The following ABHD2 variants were observed in gnomAD, a reference collection of about 807,000 sequenced individuals.
The protein encoded by ABHD2 is abhydrolase domain containing 2, acylglycerol lipase, also known as monoacylglycerol lipase ABHD2.
A neutral mutation model predicts 48.1 loss-of-function variants in ABHD2; 20 were observed. The observed-to-expected ratio is 0.42, with a 90% CI of 0.29 to 0.60. The LOEUF (loss-of-function observed/expected upper bound fraction) is 0.60. ABHD2 is among the 20% of genes least tolerant of loss of function. The pLI is 0.24. For missense variants in ABHD2, 405 were observed against 550.9 expected (o/e 0.74, Z 2.65); for synonymous variants, 209 against 214.2 (o/e 0.98, Z 0.21).
the ABHD2 span, among the ~76,000 whole-genome samples, chr15:89,064,885 G>A: frequency 6.6e-6 from 1 of 152,040 alleles, no homozygotes; most frequent in Non-Finnish European, 1.5e-5. Flanking sequence ...CCCAGCTGAA[G>A]AAATAGAGTA....
chr15:89,163,754 A>G (rs2050797034), intron 5 of ABHD2, among the ~76,000 whole-genome samples: 2 of 152,232 alleles, frequency 1.3e-5, no homozygotes, highest in South Asian at 2.1e-4. Context: ...TGTCACTTAC[A>G]TAGCATTTGC....
chr15:89,149,839 A>G (rs903433723), intron 3 of ABHD2, among the ~76,000 whole-genome samples: 3 of 152,224 alleles, frequency 2.0e-5, no homozygotes, highest in African/African-American at 7.2e-5. Flanking sequence ...CTCCTAGGCC[A>G]AGTGAGGACC....
chr15:89,181,743 C>A (rs1567108337), intron 6 of ABHD2, among the ~76,000 whole-genome samples: 1 of 152,218 alleles, frequency 6.6e-6, no homozygotes, highest in African/African-American at 2.4e-5. Context: ...AATTCGTTTT[C>A]ATCAGTACTT....
intron 5 of ABHD2, among the ~76,000 whole-genome samples, chr15:89,158,852 C>T (rs901382358): frequency 6.6e-6 from 1 of 151,690 alleles, no homozygotes; most frequent in Non-Finnish European, 1.5e-5. Flanking sequence ...TTTGTAGAGA[C>T]AAGGTCTCAC....
chr15:89,067,796 A>G, the ABHD2 span, among the ~76,000 whole-genome samples: 1 of 152,260 alleles, frequency 6.6e-6, no homozygotes, highest in East Asian at 1.9e-4. Context: ...CTTGTTCTCC[A>G]TCTTTTCCTT....
At chr15:89,119,850 G>T (rs2050019822) in intron 3 of ABHD2, among the ~76,000 whole-genome samples, 1 of 152,150 alleles carries the variant, frequency 6.6e-6, no homozygotes, top group East Asian at 1.9e-4. Context: ...GAAAGCTAAG[G>T]GCAGGAAACA....
At position 89,104,553 on chromosome 15, in the gene ABHD2, G is replaced by A. The variant is rs1215559544; in HGVS notation, c.-106-9172G>A. ...TGGGAGCCTTGTCTGCTCCCAGTCGGCGTTGGGAAACCAGAACGCTCAGGA... is the reference window on the plus strand; with the variant it reads ...TGGGAGCCTTGTCTGCTCCCAGTCGACGTTGGGAAACCAGAACGCTCAGGA... On this transcript the variant is annotated intron_variant, in intron 1 of 10. Transcript: ENST00000352732. The surrounding 1 kb of genome is among the most constrained non-coding windows in gnomAD (Gnocchi z 4.4). 6.6e-6 allele frequency among the ~76,000 whole-genome samples: 1 copy of A among 152,316 alleles called. No individual in the cohort carries two copies. The highest frequency in any genetic ancestry group is 6.5e-5 in the Admixed American group (1 of 15,302).
At position 89,166,821 on chromosome 15, in the gene ABHD2, A is replaced by G. The variant is rs994860440; in HGVS notation, c.539-8991A>G. On this transcript the variant is annotated intron_variant, in intron 5 of 10. Coordinates refer to ENST00000352732, the MANE Select transcript of ABHD2 (RefSeq NM_152924.5). The surrounding 1 kb of genome is among the most constrained non-coding windows in gnomAD (Gnocchi z 4.6). ...TATCTCTTAAAACAAACAAACATATATACAAACAATCTTTTGGAACCTCAA... is the reference window on the plus strand; with the variant it reads ...TATCTCTTAAAACAAACAAACATATGTACAAACAATCTTTTGGAACCTCAA... Among the ~76,000 whole-genome samples the G allele has an allele frequency of 6.6e-6, 1 of 152,110 alleles. No individual in the cohort carries two copies. Among genetic ancestry groups the G allele is most frequent in the Non-Finnish European group, 1.5e-5 (1 of 68,014 alleles).
rs57813229 is a variant in ABHD2 at position 89,100,284 on chromosome 15, ATTT to A, written c.-107+11736_-107+11738del. ...CTCCCAAGTTCACATTGTGTTGTTA[ATTT>A]TTTTTTTTTTTTTTAAGAGACAGGG... is the stretch of plus-strand genomic sequence containing the variant. On this transcript the variant is annotated intron_variant, in intron 1 of 10. Coordinates refer to ENST00000352732, the MANE Select transcript of ABHD2 (RefSeq NM_152924.5). This position sits in a 1 kb window ranked among gnomAD's most constrained non-coding sequence, Gnocchi z 4.4. 4.2e-5 allele frequency among the ~76,000 whole-genome samples: 6 copies of A among 141,194 alleles called. No homozygotes were observed. The highest frequency in any genetic ancestry group is 7.1e-5 in the Admixed American group (1 of 14,044). 92.6% of individuals were successfully genotyped at this position (141,194 alleles called of 152,430 possible).
rs1377689139 is a variant in ABHD2, at chr15:89,164,632, GA to G, written c.538+9104del. Among the ~76,000 whole-genome samples the G allele has an allele frequency of 6.6e-6, 1 of 151,748 alleles. No homozygotes were observed. Among genetic ancestry groups the G allele is most frequent in the Non-Finnish European group, 1.5e-5 (1 of 67,904 alleles). On this transcript the variant is annotated intron_variant, in intron 5 of 10. Coordinates refer to ENST00000352732, the MANE Select transcript of ABHD2 (RefSeq NM_152924.5). This position sits in a 1 kb window ranked among gnomAD's most constrained non-coding sequence, Gnocchi z 5.0. ...GTGAAACCTCATCTCTACTAAAAAT[GA>G]AAAAAGCCAGGTGTGATGATACACA... is the stretch of plus-strand genomic sequence containing the variant.
chr15:89,063,618 G>GT, the ABHD2 span, among the ~76,000 whole-genome samples: 3 of 151,802 alleles, frequency 2.0e-5, no homozygotes, highest in South Asian at 2.1e-4. Flanking sequence ...TATACATACA[G>GT]TTTTTTTATT....
Position 89,176,128 on chromosome 15 carries a change from A to C in ABHD2, c.722+133A>C. 1.0e-6 allele frequency: 1 copy of C among 980,628 alleles called. No individual in the cohort carries two copies. The highest frequency in any genetic ancestry group is 1.5e-6 in the Non-Finnish European group (1 of 683,798). The allele number at this position is 980,628 out of a possible 1,614,324, so 60.7% of individuals were successfully genotyped here. ...CTGAGTAGAAGTTTCTGAGTCTTGG[A>C]CTCACCTTGTTTTGTCTGCATATCA... On this transcript the variant is annotated intron_variant, in intron 6 of 10. Transcript: ENST00000352732. This position sits in a 1 kb window ranked among gnomAD's most constrained non-coding sequence, Gnocchi z 4.5.
At position 89,201,791 on chromosome 15, in the gene ABHD2, G is replaced by T; in HGVS notation, c.*6368G>T. On this transcript the variant is annotated 3_prime_UTR_variant, in exon 11 of 11. Transcript: ENST00000352732. ...GCTCGTGCTTCGCCGTGGCCCCGGA[G>T]GCAGACGCCATTGGAGAGACAGCGC... 1 of 1,422,288 alleles carries T rather than the reference G, an allele frequency of 7.0e-7. No homozygotes were observed. The highest frequency in any genetic ancestry group is 9.9e-7 in the Non-Finnish European group (1 of 1,009,454). The allele number at this position is 1,422,288 out of a possible 1,614,324, so 88.1% of individuals were successfully genotyped here.
chr15:89,133,006 AGCTC>A (rs2050244030), intron 3 of ABHD2, among the ~76,000 whole-genome samples: 1 of 152,236 alleles, frequency 6.6e-6, no homozygotes, highest in Admixed American at 6.5e-5. Flanking sequence ...TCTGACGGAA[AGCTC>A]CAGGGCAGCT....
At position 89,188,883 on chromosome 15, in the gene ABHD2, T is replaced by TA. The variant is rs34046140; in HGVS notation, c.926+595dup. On this transcript the variant is annotated intron_variant, in intron 8 of 10. Transcript: ENST00000352732. This position sits in a 1 kb window ranked among gnomAD's most constrained non-coding sequence, Gnocchi z 4.1. Reference sequence around the variant, plus strand: ...GACACAGCAAGACCCTTCTCAAAATTAAAAAAAAAAAAAAAGAAGTAGAAA... The same window carrying TA: ...GACACAGCAAGACCCTTCTCAAAATTAAAAAAAAAAAAAAAAGAAGTAGAAA... 0.35 allele frequency among the ~76,000 whole-genome samples: 47,177 copies of TA among 135,504 alleles called. 8,182 individuals are homozygous for TA. The highest frequency in any genetic ancestry group is 0.42 in the Non-Finnish European group (26,667 of 63,386). The allele number at this position is 135,504 out of a possible 152,430, so 88.9% of individuals were successfully genotyped here. A position where few individuals can be genotyped will look rare whatever the true frequency, so the allele number is the denominator to read the frequency against.
chr15:89,074,491 A>T, the ABHD2 span, among the ~76,000 whole-genome samples: 1 of 152,222 alleles, frequency 6.6e-6, no homozygotes, highest in African/African-American at 2.4e-5. Flanking sequence ...TGTTTTAACA[A>T]ATTCCTCAGG....
At chr15:89,183,547 A>G (rs1397871162) in intron 6 of ABHD2, among the ~76,000 whole-genome samples, 1 of 151,850 alleles carries the variant, frequency 6.6e-6, no homozygotes. Flanking sequence ...CAAAGATACT[A>G]AAACTCAATC....
chr15:89,156,554 C>T (rs1036081862), intron 5 of ABHD2, among the ~76,000 whole-genome samples: 2 of 151,926 alleles, frequency 1.3e-5, no homozygotes, highest in African/African-American at 4.8e-5. Flanking sequence ...CAAGACAAGC[C>T]TGGCAATCAT....
chr15:89,122,929 GAC>G (rs2050074724), intron 3 of ABHD2, among the ~76,000 whole-genome samples: 1 of 152,202 alleles, frequency 6.6e-6, no homozygotes, highest in African/African-American at 2.4e-5. Flanking sequence ...GGATCCAAGA[GAC>G]ATCTAGAAGC....
Sources: gnomAD v4.1 joint callset for allele counts (sites outside exome capture counted in the v4.1 genomes callset) on GRCh38, gnomAD v4.1.1 for gene constraint, Gnocchi (gnomAD v3.1) non-coding constraint, MANE v1.5 for transcripts, NCBI Gene and HGNC (gene_info 2026-07-23, HGNC 2026-07-21) for gene names.